The following FBLN7 variants were observed in gnomAD, a reference collection of about 807,000 sequenced individuals.
The protein encoded by FBLN7 is fibulin 7.
Under a neutral mutation model 44.0 loss-of-function variants are expected in FBLN7, and 31 were observed. The observed-to-expected ratio is 0.70, with a 90% CI of 0.53 to 0.95. FBLN7 has a LOEUF of 0.95. FBLN7 is among the 40% of genes least tolerant of loss of function. FBLN7 has a pLI of 0.00. For synonymous variants in FBLN7, 262 were observed against 253.4 expected, an observed-to-expected ratio of 1.03 and a Z score of -0.32; for missense variants, 573 against 618.5, an observed-to-expected ratio of 0.93 and a Z score of 0.78.
At chr2:112,240,320 GATCCTTTATGAAA>G in the FBLN7 span, 29 of 152,290 alleles carry the variant, frequency 1.9e-4, no homozygotes, top group East Asian at 5.0e-3. Context: ...TTCACTAACT[GATCCTTTATGAAA>G]AGGTTGGCCG....
chr2:112,225,851 G>A, the FBLN7 span, among the ~76,000 whole-genome samples: 34 of 151,778 alleles, frequency 2.2e-4, no homozygotes, highest in Non-Finnish European at 4.7e-4. Flanking sequence ...GGAGGCCAAG[G>A]CAAGTGGATC....
chr2:112,138,599 T>C lies in FBLN7; in HGVS notation c.-57T>C. On this transcript the variant is annotated 5_prime_UTR_variant, in exon 1 of 8. Transcript: ENST00000331203. ...CGGCTGCCGCATCGCTGGGACAAAC[T>C]CGGCAGCGGAGGCAAAGTTATTTCC... is the stretch of plus-strand genomic sequence containing the variant. The C allele has an allele frequency of 6.6e-7, 1 of 1,513,606 alleles. No homozygotes were observed. The highest frequency in any genetic ancestry group is 9.0e-7 in the Non-Finnish European group (1 of 1,117,052). The allele number at this position is 1,513,606 out of a possible 1,614,324, so 93.8% of individuals were successfully genotyped here.
At chr2:112,202,570 CAT>C in the FBLN7 span, among the ~76,000 whole-genome samples, 1 of 151,988 alleles carries the variant, frequency 6.6e-6, no homozygotes, top group Non-Finnish European at 1.5e-5. Flanking sequence ...CTATGAAAGA[CAT>C]AAAAACACTG....
At chr2:112,238,485 T>C in the FBLN7 span, 1 of 1,612,364 alleles carries the variant, frequency 6.2e-7, no homozygotes, top group East Asian at 2.2e-5. Context: ...ACTTCTTGAT[T>C]TTCTATGCAG....
At chr2:112,236,725 A>G in the FBLN7 span, 1 of 1,555,120 alleles carries the variant, frequency 6.4e-7, no homozygotes, top group Non-Finnish European at 8.7e-7. Flanking sequence ...TTAAAAAATG[A>G]CATAAAGTTA....
At chr2:112,234,046 T>C in the FBLN7 span, 4 of 844,214 alleles carry the variant, frequency 4.7e-6, no homozygotes, top group South Asian at 7.9e-5. Flanking sequence ...AACCTAAAGG[T>C]ATGAATTAAA....
intron 2 of FBLN7, among the ~76,000 whole-genome samples, chr2:112,161,188 C>T (rs1681852115): frequency 6.6e-6 from 1 of 152,176 alleles, no homozygotes; most frequent in Admixed American, 6.5e-5. Flanking sequence ...AGGGGCCAGT[C>T]ATCATGTTCA....
chr2:112,219,046 A>G, the FBLN7 span, among the ~76,000 whole-genome samples: 11 of 152,246 alleles, frequency 7.2e-5, no homozygotes, highest in African/African-American at 2.7e-4. Context: ...TATGTATTCA[A>G]TGCAATCTCT....
intron 3 of FBLN7, among the ~76,000 whole-genome samples, chr2:112,171,413 G>A (rs1225848655): frequency 6.6e-6 from 1 of 151,884 alleles, no homozygotes; most frequent in East Asian, 1.9e-4. Context: ...GGTGCTGGAT[G>A]GAGTTTTGGA....
chr2:112,151,684 A>C (rs530305581), intron 1 of FBLN7: 17 of 152,290 alleles, frequency 1.1e-4, no homozygotes, highest in African/African-American at 3.6e-4. Flanking sequence ...AAATAGACAA[A>C]ATGTGCTGCC....
the FBLN7 span, among the ~76,000 whole-genome samples, chr2:112,222,653 T>C: frequency 6.6e-6 from 1 of 152,170 alleles, no homozygotes; most frequent in African/African-American, 2.4e-5. Flanking sequence ...CTGTATGATT[T>C]CACTTATATG....
At chr2:112,152,812 C>T (rs967160109) in intron 1 of FBLN7, 2 of 151,932 alleles carry the variant, frequency 1.3e-5, no homozygotes, top group African/African-American at 2.4e-5. Flanking sequence ...CATAACTGCT[C>T]GACAGTTCCT....
At chr2:112,141,408 G>A (rs573978053) in intron 1 of FBLN7, among the ~76,000 whole-genome samples, 1 of 152,332 alleles carries the variant, frequency 6.6e-6, no homozygotes, top group Admixed American at 6.5e-5. Flanking sequence ...AGGCAGGCAT[G>A]CCCATGGCCA....
intron 2 of FBLN7, among the ~76,000 whole-genome samples, chr2:112,161,448 C>T (rs1018151788): frequency 6.6e-6 from 1 of 152,202 alleles, no homozygotes; most frequent in South Asian, 2.1e-4. Flanking sequence ...GAGGCCCAAG[C>T]CCTCACTGGG....
intron 1 of FBLN7, 92 bp from the exon 2 acceptor site, chr2:112,159,584 C>G: frequency 7.1e-7 from 1 of 1,403,084 alleles, no homozygotes; most frequent in South Asian, 1.6e-5. Flanking sequence ...GCGGTTTGGA[C>G]CCCGTGGCTT....
intron 1 of FBLN7, among the ~76,000 whole-genome samples, chr2:112,140,172 G>C (rs560646030): frequency 7.1e-5 from 8 of 111,906 alleles, no homozygotes; most frequent in African/African-American, 1.1e-4. Flanking sequence ...CCTCTCTCCA[G>C]GCCAGCGTCC....
chr2:112,223,805 CA>C, the FBLN7 span, among the ~76,000 whole-genome samples: 1 of 152,092 alleles, frequency 6.6e-6, no homozygotes, highest in African/African-American at 2.4e-5. Context: ...TACGAAACTG[CA>C]GATTAACTGA....
At chr2:112,224,150 A>G in the FBLN7 span, among the ~76,000 whole-genome samples, 2 of 152,330 alleles carry the variant, frequency 1.3e-5, no homozygotes, top group East Asian at 3.9e-4. Flanking sequence ...CTCAAAAGGC[A>G]TTAATATTTT....
the FBLN7 span, among the ~76,000 whole-genome samples, chr2:112,193,698 C>T: frequency 2.6e-5 from 4 of 152,106 alleles, no homozygotes; most frequent in East Asian, 1.9e-4. Context: ...TTGCAAACAC[C>T]GTAATCGTGT....
Sources: gnomAD v4.1 joint callset for allele counts (sites outside exome capture counted in the v4.1 genomes callset) on GRCh38, gnomAD v4.1.1 for gene constraint, MANE v1.5 for transcripts, NCBI Gene and HGNC (gene_info 2026-07-23, HGNC 2026-07-21) for gene names.